The following MTFR1 variants were observed in gnomAD, a reference collection of about 807,000 sequenced individuals.
The protein encoded by MTFR1 is mitochondrial fission regulator 1.
Under a neutral mutation model 38.8 loss-of-function variants are expected in MTFR1, and 28 were observed. The ratio of observed to expected loss-of-function variants is 0.72; its 90% CI spans 0.53 to 0.99. MTFR1 has a LOEUF of 0.99. MTFR1 is among the 50% of genes least tolerant of loss of function. The probability of loss-of-function intolerance (pLI) is 0.00; values close to 1 mark genes in which losing one functional copy is unlikely to be tolerated. For missense variants in MTFR1, 358 were observed against 395.5 expected, an observed-to-expected ratio of 0.91 and a Z score of 0.81; for synonymous variants, 145 against 137.0, an observed-to-expected ratio of 1.06 and a Z score of -0.41.
chr8:65,663,156 A>G (rs1310542620), intron 1 of MTFR1, among the ~76,000 whole-genome samples: 2 of 152,140 alleles, frequency 1.3e-5, no homozygotes, highest in Non-Finnish European at 2.9e-5. Context: ...AGAGGTAGAC[A>G]TGGGAGACTT....
At chr8:65,672,832 C>T (rs2129051676) in intron 2 of MTFR1, among the ~76,000 whole-genome samples, 1 of 152,310 alleles carries the variant, frequency 6.6e-6, no homozygotes, top group African/African-American at 2.4e-5. Flanking sequence ...TTCCTTGCTT[C>T]TCTCAGCCTT....
At position 65,754,247 on chromosome 8, in the gene MTFR1, C is replaced by T. The variant is rs374585305; in HGVS notation, c.*49-16700C>T. Among the ~76,000 whole-genome samples the T allele has an allele frequency of 6.8e-4, 103 of 152,000 alleles. 2 individuals are homozygous for T. Among genetic ancestry groups the T allele is most frequent in the Admixed American group, 9.2e-4 (14 of 15,264 alleles). ...GCTGGCAGCTGATTAGATGGTGCCC[C>T]CCCGCCCCAAGATTGAGGGTGCGTC... On this transcript the variant is annotated intron_variant, in intron 3 of 3. Coordinates refer to the MTFR1 transcript ENST00000521247.
intron 1 of MTFR1, among the ~76,000 whole-genome samples, chr8:65,647,884 A>C (rs1417414565): frequency 6.6e-6 from 1 of 152,128 alleles, no homozygotes; most frequent in African/African-American, 2.4e-5. Context: ...AGTTTTAGTT[A>C]ACATTTATTT....
chr8:65,717,135 A>C lies in MTFR1; in HGVS notation c.382-2245A>C, dbSNP rs553020589. Among the ~76,000 whole-genome samples, 4 of 152,308 alleles carry C rather than the reference A, an allele frequency of 2.6e-5. No individual in the cohort carries two copies. The South Asian group carries it at 6.2e-4, about 24-fold the overall frequency. On this transcript the variant is annotated intron_variant, in intron 2 of 3. Transcript: ENST00000521247. ...ACTAAAATTAATTCCATGTTTTCTA[A>C]ATGTGGCTACTAGAAAACCGAAAAT... is the stretch of plus-strand genomic sequence containing the variant.
At chr8:65,774,439 T>G (rs1209272225), downstream of MTFR1, among the ~76,000 whole-genome samples, 1 of 152,112 alleles carries the variant, frequency 6.6e-6, no homozygotes, top group Non-Finnish European at 1.5e-5. Context: ...ATAATTTGCC[T>G]ATAAAATTCT....
intron 3 of MTFR1, among the ~76,000 whole-genome samples, chr8:65,731,986 A>ATTG (rs59755336): frequency 2.2e-3 from 304 of 138,760 alleles, no homozygotes; most frequent in Middle Eastern, 7.4e-3. Context: ...TATTATTATT[A>ATTG]TTGTTGTTGT....
intron 1 of MTFR1, among the ~76,000 whole-genome samples, chr8:65,668,583 C>T (rs1008185929): frequency 2.1e-5 from 3 of 140,076 alleles, no homozygotes; most frequent in Non-Finnish European, 3.0e-5. Context: ...AGTGCAGTGG[C>T]GCTATTTGCA....
At chr8:65,657,406 G>C (rs1563433511) in intron 1 of MTFR1, among the ~76,000 whole-genome samples, 1 of 152,004 alleles carries the variant, frequency 6.6e-6, no homozygotes, top group Non-Finnish European at 1.5e-5. Flanking sequence ...ACCATAGCAG[G>C]GTTCAAACTA....
rs777278194 is a variant in MTFR1, at chr8:65,747,699, A to G, written c.*49-23248A>G. 13 of 1,611,518 alleles carry G rather than the reference A, an allele frequency of 8.1e-6. No individual in the cohort carries two copies. Among genetic ancestry groups the G allele is most frequent in the South Asian group, 5.5e-5 (5 of 90,858 alleles). On this transcript the variant is annotated intron_variant, in intron 3 of 3. Coordinates refer to the MTFR1 transcript ENST00000521247. Reference sequence around the variant, plus strand: ...TCATCTAAAATGTTTAGGGAATTTGAAACCGCAGTACCACGAAAAAAGCGT... The same window carrying G: ...TCATCTAAAATGTTTAGGGAATTTGGAACCGCAGTACCACGAAAAAAGCGT...
intron 1 of MTFR1, among the ~76,000 whole-genome samples, chr8:65,662,127 A>C (rs1169503949): frequency 7.1e-6 from 1 of 139,946 alleles, no homozygotes; most frequent in Non-Finnish European, 1.5e-5. Flanking sequence ...CTCTCTTTCC[A>C]CGGTCTCCCT....
chr8:65,687,347 CTTTTT>C (rs71247404), intron 3 of MTFR1, among the ~76,000 whole-genome samples: 2 of 115,358 alleles, frequency 1.7e-5, no homozygotes, highest in Non-Finnish European at 3.7e-5. Flanking sequence ...TTAAAGAATA[CTTTTT>C]TTTTTTTTTT....
rs1196252643 is a variant in MTFR1, at chr8:65,682,466, A to C, written c.165+15A>C. ...TTCAGTTTCAGGTATTATATTTTAT[A>C]TATTTTAAGTATTTTATTAATATGT... On this transcript the variant is annotated intron_variant, in intron 3 of 7. Coordinates refer to ENST00000262146, the MANE Select transcript of MTFR1 (RefSeq NM_014637.4). 7.9e-7 allele frequency: 1 copy of C among 1,259,702 alleles called. No individual in the cohort carries two copies. Among genetic ancestry groups the C allele is most frequent in the Non-Finnish European group, 1.1e-6 (1 of 950,344 alleles). The allele number at this position is 1,259,702 out of a possible 1,614,324, so 78.0% of individuals were successfully genotyped here. A position where few individuals can be genotyped will look rare whatever the true frequency, so the allele number is the denominator to read the frequency against.
At chr8:65,730,321 C>T (rs1806825526) in intron 3 of MTFR1, among the ~76,000 whole-genome samples, 1 of 151,414 alleles carries the variant, frequency 6.6e-6, no homozygotes, top group South Asian at 2.1e-4. Flanking sequence ...GCTGGTATTA[C>T]AGGCATGCGC....
At chr8:65,649,108 C>T (rs1208533107) in intron 1 of MTFR1, among the ~76,000 whole-genome samples, 1 of 151,816 alleles carries the variant, frequency 6.6e-6, no homozygotes, top group African/African-American at 2.4e-5. Context: ...TTAGGTATTA[C>T]AAGTAATCTA....
chr8:65,684,716 G>A (rs1805018533), intron 3 of MTFR1, among the ~76,000 whole-genome samples: 1 of 151,558 alleles, frequency 6.6e-6, no homozygotes, highest in East Asian at 2.0e-4. Flanking sequence ...CAACATCGGT[G>A]TTAAAGTGTT....
At chr8:65,670,079 G>A (rs1270415329) in intron 2 of MTFR1, 61 bp downstream of exon 2, 2 of 1,428,924 alleles carry the variant, frequency 1.4e-6, no homozygotes, top group African/African-American at 2.9e-5. Flanking sequence ...AATTTTTTCT[G>A]AGAAAATGAA....
At chr8:65,672,144 C>G (rs1477560357) in intron 2 of MTFR1, among the ~76,000 whole-genome samples, 1 of 152,190 alleles carries the variant, frequency 6.6e-6, no homozygotes, top group African/African-American at 2.4e-5. Context: ...AACTGAGAGT[C>G]CTTCCTACTA....
At chr8:65,771,101 T>C (rs1251952336) in exon 4 of MTFR1, 1 of 326,160 alleles carries the variant, frequency 3.1e-6, no homozygotes, top group Non-Finnish European at 6.0e-6. Flanking sequence ...ATCTACATAA[T>C]AAAATGGTTG....
At chr8:65,684,445 G>C (rs1043104515) in intron 3 of MTFR1, among the ~76,000 whole-genome samples, 1 of 151,682 alleles carries the variant, frequency 6.6e-6, no homozygotes, top group South Asian at 2.1e-4. Context: ...GAGTGCAATG[G>C]CACAATCTCG....
Sources: gnomAD v4.1 joint callset for allele counts (sites outside exome capture counted in the v4.1 genomes callset) on GRCh38, gnomAD v4.1.1 for gene constraint, MANE v1.5 for transcripts, NCBI Gene and HGNC (gene_info 2026-07-23, HGNC 2026-07-21) for gene names.